The following NBAS variants were observed in gnomAD, a reference collection of about 807,000 sequenced individuals.
NBAS encodes NBAS subunit of NRZ tethering complex.
In NBAS, 219 loss-of-function variants were observed where a neutral mutation model predicts 302.5. The observed-to-expected ratio is 0.72, with a 90% CI of 0.65 to 0.81. The LOEUF is 0.81. Among genes scored for constraint, NBAS ranks in the 30% least tolerant of loss-of-function variants. The pLI is 0.00. For missense variants in NBAS, 2,932 were observed against 2,841.6 expected, an observed-to-expected ratio of 1.03 and a Z score of -0.72; for synonymous variants, 1,118 against 1,021.6, an observed-to-expected ratio of 1.09 and a Z score of -1.80.
chr2:15,449,051 G>T (rs976603601), intron 21 of NBAS, among the ~76,000 whole-genome samples: 2 of 152,044 alleles, frequency 1.3e-5, no homozygotes, highest in Non-Finnish European at 2.9e-5. Flanking sequence ...CATGAAAAGG[G>T]TATCATTTGG....
intron 42 of NBAS, among the ~76,000 whole-genome samples, chr2:15,286,654 T>C (rs1399113373): frequency 6.6e-6 from 1 of 152,238 alleles, no homozygotes; most frequent in East Asian, 1.9e-4. Context: ...GCTTAAGTGT[T>C]ACTTCCTGGG....
intron 21 of NBAS, among the ~76,000 whole-genome samples, chr2:15,460,379 T>C (rs923462294): frequency 1.1e-4 from 17 of 152,204 alleles, no homozygotes; most frequent in South Asian, 4.1e-4. Context: ...TAGTTAATCA[T>C]TGAGCCACAC....
the NBAS span, among the ~76,000 whole-genome samples, chr2:14,827,276 T>C: frequency 6.6e-6 from 1 of 152,362 alleles, no homozygotes; most frequent in East Asian, 1.9e-4. Flanking sequence ...TCATCTATCA[T>C]GTTAATATTG....
intron 48 of NBAS, among the ~76,000 whole-genome samples, chr2:15,211,633 G>T (rs1666415631): frequency 6.6e-6 from 1 of 152,116 alleles, no homozygotes; most frequent in Non-Finnish European, 1.5e-5. Flanking sequence ...TTGAAGAGAA[G>T]ATATTGTTGT....
At position 15,292,540 on chromosome 2, in the gene NBAS, G is replaced by A. The variant is rs368636999; in HGVS notation, c.5024C>T (p.Ala1675Val). 2 of 1,613,936 alleles carry A rather than the reference G, an allele frequency of 1.2e-6. No individual in the cohort carries two copies. Among genetic ancestry groups the A allele is most frequent in the African/African-American group, 1.3e-5 (1 of 74,908 alleles). Residue 1675 changes from alanine (A) to valine (V), a missense_variant, in exon 41 of 52, where the codon GCA (alanine) becomes GTA (valine). Ala to Val is a moderately conservative substitution (Grantham distance 64). Transcript: ENST00000281513. ...TGAAACAAAGGGTATCACTTACTCTGCCAGACCAAGGATAGTTTCCCTTTT... is the reference window on the plus strand; with the variant it reads ...TGAAACAAAGGGTATCACTTACTCTACCAGACCAAGGATAGTTTCCCTTTT... ...QYKRETILGL[A>V]ETLEESVYSI... is the part of the protein sequence containing the mutation.
At chr2:14,833,861 T>C in the NBAS span, among the ~76,000 whole-genome samples, 1 of 152,134 alleles carries the variant, frequency 6.6e-6, no homozygotes, top group African/African-American at 2.4e-5. Context: ...CACTTGTTCT[T>C]TGAAATGTGA....
chr2:14,791,580 C>T, the NBAS span, among the ~76,000 whole-genome samples: 1 of 151,858 alleles, frequency 6.6e-6, no homozygotes, highest in Non-Finnish European at 1.5e-5. Flanking sequence ...GAGGCAGGCA[C>T]ATCACGAGGT....
chr2:15,543,190 T>C (rs1663934185), intron 6 of NBAS, among the ~76,000 whole-genome samples: 1 of 152,170 alleles, frequency 6.6e-6, no homozygotes, highest in African/African-American at 2.4e-5. Flanking sequence ...GACTCATATT[T>C]TCATCAGCTG....
intron 48 of NBAS, 80 bp downstream of exon 48, chr2:15,218,693 G>T: frequency 6.3e-7 from 1 of 1,582,022 alleles, no homozygotes; most frequent in Non-Finnish European, 8.7e-7. Flanking sequence ...CTCCCACAAT[G>T]CTGGGATTAC....
the NBAS span, among the ~76,000 whole-genome samples, chr2:15,038,542 T>C: frequency 6.6e-6 from 1 of 152,158 alleles, no homozygotes; most frequent in East Asian, 1.9e-4. Context: ...TTTTCACACT[T>C]TGTTGCTCCT....
chr2:15,542,649 TA>T (rs199906894), intron 6 of NBAS, among the ~76,000 whole-genome samples: 3,474 of 149,438 alleles, frequency 0.023, 104 homozygotes, highest in African/African-American at 0.059. Context: ...ATAAATAAGA[TA>T]AAAAAAATAA....
At chr2:15,271,188 C>T (rs1187555741) in intron 44 of NBAS, among the ~76,000 whole-genome samples, 1 of 152,136 alleles carries the variant, frequency 6.6e-6, no homozygotes, top group Non-Finnish European at 1.5e-5. Context: ...AGAATCTGAA[C>T]AGCAAACAAA....
intron 31 of NBAS, 38 bp from the exon 32 acceptor site, chr2:15,366,731 A>C (rs1225776991): frequency 5.0e-6 from 8 of 1,590,204 alleles, no homozygotes; most frequent in Non-Finnish European, 6.9e-6. Context: ...TGGACCAGGG[A>C]CATCACAAAA....
chr2:15,045,694 T>C, the NBAS span, among the ~76,000 whole-genome samples: 1 of 152,208 alleles, frequency 6.6e-6, no homozygotes, highest in South Asian at 2.1e-4. Flanking sequence ...GATATCTCTA[T>C]GAGGTGCTGA....
intron 21 of NBAS, among the ~76,000 whole-genome samples, chr2:15,445,308 T>C (rs1272287948): frequency 4.8e-5 from 7 of 146,900 alleles, no homozygotes; most frequent in African/African-American, 1.5e-4. Context: ...ATATACACCA[T>C]GGAATACTAT....
chr2:15,068,740 G>GA, the NBAS span, among the ~76,000 whole-genome samples: 1 of 152,232 alleles, frequency 6.6e-6, no homozygotes, highest in Non-Finnish European at 1.5e-5. Context: ...CCACACCTGA[G>GA]AAACAGTGCA....
At chr2:15,325,087 T>C (rs1176819063) in intron 38 of NBAS, among the ~76,000 whole-genome samples, 2 of 152,184 alleles carry the variant, frequency 1.3e-5, no homozygotes, top group Non-Finnish European at 2.9e-5. Flanking sequence ...AAAGCAGCCA[T>C]CTTTAAGACC....
chr2:15,282,336 C>T (rs561417442), intron 42 of NBAS, among the ~76,000 whole-genome samples: 2 of 152,214 alleles, frequency 1.3e-5, no homozygotes, highest in African/African-American at 2.4e-5. Flanking sequence ...TGTAGCAACC[C>T]GGACACAAAC....
Position 15,306,014 on chromosome 2 carries a change from G to A in NBAS, c.4797+2202C>T, listed in dbSNP as rs80060636. 2.5e-3 allele frequency among the ~76,000 whole-genome samples: 379 copies of A among 152,300 alleles called. 5 individuals carry two copies. Among genetic ancestry groups the A allele is most frequent in the East Asian group, 0.017 (90 of 5,186 alleles). On this transcript the variant is annotated intron_variant, in intron 40 of 51. Transcript: ENST00000281513. ...TTTACAATAAGGTACTATGCATTTG[G>A]TCAAAGTAAAGCTTCACTGTGTTTC...
Sources: gnomAD v4.1 joint callset for allele counts (sites outside exome capture counted in the v4.1 genomes callset) on GRCh38, gnomAD v4.1.1 for gene constraint, MANE v1.5 for transcripts, NCBI Gene and HGNC (gene_info 2026-07-23, HGNC 2026-07-21) for gene names.